The following HNF4G variants were observed in gnomAD, a reference collection of about 807,000 sequenced individuals.
HNF4G encodes the protein hepatocyte nuclear factor 4 gamma.
HNF4G carries 21 observed loss-of-function variants against 50.9 expected under a neutral mutation model. That is an observed-to-expected ratio of 0.41 (90% CI 0.29 to 0.59). The LOEUF (loss-of-function observed/expected upper bound fraction) is 0.59. HNF4G is among the 20% of genes least tolerant of loss of function. The pLI, the probability that HNF4G is intolerant of heterozygous loss-of-function variation, is 0.26. For synonymous variants in HNF4G, 198 were observed against 185.6 expected (o/e 1.07, Z -0.54); for missense variants, 527 against 559.4 (o/e 0.94, Z 0.58).
rs1810691337 is a variant in HNF4G at position 75,418,342 on chromosome 8, T to C, written c.-144+10180T>C. ...GGGTTAAGACTTTAACATATGATTT[T>C]GGGAGGGACACACAGTTCAGCCAAT... On this transcript the variant is annotated intron_variant, in intron 1 of 10. Coordinates refer to the HNF4G transcript ENST00000354370. Among the ~76,000 whole-genome samples the C allele has an allele frequency of 3.3e-5, 5 of 152,174 alleles. No individual in the cohort carries two copies. The South Asian group carries it at 1.0e-3, about 32-fold the overall frequency.
chr8:75,505,012 A>G (rs7011927), intron 2 of HNF4G, among the ~76,000 whole-genome samples: 36,994 of 152,014 alleles, frequency 0.24, 4,779 homozygotes, highest in South Asian at 0.31. Flanking sequence ...AACTTCTACC[A>G]GAATCTGGGA....
At chr8:75,536,935 G>A (rs912321333), upstream of HNF4G, among the ~76,000 whole-genome samples, 1 of 151,878 alleles carries the variant, frequency 6.6e-6, no homozygotes, top group African/African-American at 2.4e-5. Context: ...AGGAAGATTG[G>A]TTATAAAGAG....
At chr8:75,423,558 T>G (rs1036084885) in intron 1 of HNF4G, among the ~76,000 whole-genome samples, 1 of 151,394 alleles carries the variant, frequency 6.6e-6, no homozygotes, top group Non-Finnish European at 1.5e-5. Flanking sequence ...CTGGCTAATT[T>G]TTTTTGTATT....
chr8:75,455,037 C>T lies in HNF4G; in HGVS notation c.-143-35052C>T, dbSNP rs542526489. Among the ~76,000 whole-genome samples, 6 of 152,274 alleles carry T rather than the reference C, an allele frequency of 3.9e-5. No homozygotes were observed. In the South Asian group the frequency reaches 1.2e-3, roughly 32 times the overall value. On this transcript the variant is annotated intron_variant, in intron 1 of 10. Transcript: ENST00000354370. ...ATTAAGATAAAGGTTTTTAGTCTCT[C>T]ATTGTCCTCACATCATCCCTTTTGT...
At chr8:75,557,142 C>T (rs1178324720) in intron 6 of HNF4G, among the ~76,000 whole-genome samples, 3 of 151,920 alleles carry the variant, frequency 2.0e-5, no homozygotes, top group African/African-American at 7.3e-5. Flanking sequence ...ATGCAATATA[C>T]CTAGAAAACA....
intron 1 of HNF4G, among the ~76,000 whole-genome samples, chr8:75,454,965 A>G (rs1811684445): frequency 6.6e-6 from 1 of 152,206 alleles, no homozygotes; most frequent in African/African-American, 2.4e-5. Flanking sequence ...AAACACACGT[A>G]TATATGTTAG....
chr8:75,537,586 A>C (rs1007966766), upstream of HNF4G, among the ~76,000 whole-genome samples: 8 of 152,136 alleles, frequency 5.3e-5, no homozygotes, highest in African/African-American at 1.7e-4. Flanking sequence ...ACCAAGGGAA[A>C]TACTGTGGAA....
At position 75,556,074 on chromosome 8, in the gene HNF4G, GT is replaced by G. The variant is rs61003427; in HGVS notation, c.733+17del. On this transcript the variant is annotated splice_donor_region_variant and intron_variant, in intron 6 of 9. Coordinates refer to ENST00000396423, the MANE Select transcript of HNF4G (RefSeq NM_004133.5). ...ATAAAGATATTTTGCTTTTGGGTAA[GT>G]TTTTTTTTTTTAATTTAAGAAGAAA... is the stretch of plus-strand genomic sequence containing the variant. 37,566 of 1,220,432 alleles carry G rather than the reference GT, an allele frequency of 0.031. 121 individuals carry two copies. The highest frequency in any genetic ancestry group is 0.059 in the South Asian group (3,955 of 66,760). 75.6% of individuals were successfully genotyped at this position (1,220,432 alleles called of 1,614,324 possible).
chr8:75,477,657 T>C (rs1812269495), intron 1 of HNF4G, among the ~76,000 whole-genome samples: 1 of 151,640 alleles, frequency 6.6e-6, no homozygotes, highest in Admixed American at 6.6e-5. Context: ...TAAAAATATA[T>C]ATATAAATAT....
intron 1 of HNF4G, among the ~76,000 whole-genome samples, chr8:75,456,728 TTTAA>T (rs942046463): frequency 1.2e-3 from 181 of 151,706 alleles, no homozygotes; most frequent in African/African-American, 4.0e-3. Flanking sequence ...TTTAATTTAT[TTTAA>T]TTAATTAATT....
At chr8:75,413,906 A>ATTG (rs1293662218) in intron 1 of HNF4G, among the ~76,000 whole-genome samples, 1 of 152,146 alleles carries the variant, frequency 6.6e-6, no homozygotes, top group African/African-American at 2.4e-5. Flanking sequence ...GCTAAGTATA[A>ATTG]TTGTTGAGTC....
At chr8:75,472,654 A>G (rs1812142249) in intron 1 of HNF4G, among the ~76,000 whole-genome samples, 1 of 152,062 alleles carries the variant, frequency 6.6e-6, no homozygotes, top group Non-Finnish European at 1.5e-5. Context: ...TCACATTAAA[A>G]GATGAGGAAA....
intron 1 of HNF4G, among the ~76,000 whole-genome samples, chr8:75,540,364 G>C (rs1422495261): frequency 6.6e-6 from 1 of 152,098 alleles, no homozygotes; most frequent in Admixed American, 6.6e-5. Flanking sequence ...AGTCTCAGCT[G>C]TTATTTTATT....
intron 2 of HNF4G, chr8:75,526,894 G>A (rs1394763985): frequency 6.6e-6 from 1 of 151,930 alleles, no homozygotes; most frequent in Non-Finnish European, 1.5e-5. Context: ...AGCCTCCCGA[G>A]TAGCTGGGAC....
At chr8:75,506,199 A>G (rs2130715759) in intron 2 of HNF4G, among the ~76,000 whole-genome samples, 1 of 152,186 alleles carries the variant, frequency 6.6e-6, no homozygotes, top group African/African-American at 2.4e-5. Flanking sequence ...AATAATTGTA[A>G]GCCTGAAAAA....
intron 8 of HNF4G, among the ~76,000 whole-genome samples, chr8:75,559,541 G>A (rs1807244582): frequency 1.3e-5 from 2 of 151,876 alleles, no homozygotes; most frequent in African/African-American, 4.8e-5. Context: ...CAAAGTGCTG[G>A]GAATACAGGC....
intron 2 of HNF4G, among the ~76,000 whole-genome samples, chr8:75,532,114 A>G (rs2130768138): frequency 6.6e-6 from 1 of 152,178 alleles, no homozygotes; most frequent in Non-Finnish European, 1.5e-5. Flanking sequence ...CCTCTACCTC[A>G]TCAAAAATAA....
intron 1 of HNF4G, among the ~76,000 whole-genome samples, chr8:75,461,455 A>T (rs1448145977): frequency 1.3e-5 from 2 of 152,112 alleles, no homozygotes; most frequent in Non-Finnish European, 2.9e-5. Flanking sequence ...TTGCGATTAT[A>T]TCAGACCCAC....
chr8:75,408,875 G>A (rs1025144420), intron 1 of HNF4G, among the ~76,000 whole-genome samples: 2 of 152,208 alleles, frequency 1.3e-5, no homozygotes, highest in African/African-American at 4.8e-5. Flanking sequence ...CACTCATTGA[G>A]AGCACCATTT....
Sources: allele counts gnomAD v4.1 joint callset (sites outside exome capture counted in the v4.1 genomes callset), GRCh38; gene constraint gnomAD v4.1.1; transcripts MANE v1.5; gene names NCBI Gene and HGNC (gene_info 2026-07-23, HGNC 2026-07-21).